The following MLLT6 variants were observed in gnomAD, a reference collection of about 807,000 sequenced individuals.
MLLT6 encodes protein AF-17.
Under a neutral mutation model 103.0 loss-of-function variants are expected in MLLT6, and 22 were observed. The ratio of observed to expected loss-of-function variants is 0.21; its 90% CI spans 0.15 to 0.31. The LOEUF (loss-of-function observed/expected upper bound fraction) is 0.31. MLLT6 is among the 10% of genes least tolerant of loss of function. The pLI is 1.00. For synonymous variants in MLLT6, 606 were observed against 623.5 expected, an observed-to-expected ratio of 0.97 and a Z score of 0.42; for missense variants, 1,199 against 1,441.7, an observed-to-expected ratio of 0.83 and a Z score of 2.73.
intron 11 of MLLT6, 115 bp downstream of exon 11, chr17:38,717,728 C>T (rs1307688333): frequency 2.9e-6 from 4 of 1,392,364 alleles, no homozygotes; most frequent in Admixed American, 1.9e-5. Context: ...ATCAGACCAC[C>T]CTCCGGGCTC....
At position 38,710,028 on chromosome 17, in the gene MLLT6, C is replaced by T. The variant is rs145389951; in HGVS notation, c.552+453C>T. Among the ~76,000 whole-genome samples, 9 of 152,286 alleles carry T rather than the reference C, an allele frequency of 5.9e-5. No individual in the cohort carries two copies. In the East Asian group the frequency reaches 1.7e-3, roughly 29 times the overall value. ...TTACAGATGAGTAAACTAAGGCTCA[C>T]TGAGGTCATATAACTTATCTTGCAG... On this transcript the variant is annotated intron_variant, in intron 6 of 19. Transcript: ENST00000621332.
At chr17:38,718,725 A>C (rs906204111) in intron 12 of MLLT6, 7 of 152,192 alleles carry the variant, frequency 4.6e-5, no homozygotes, top group Non-Finnish European at 8.8e-5. Context: ...CGGAGGTCTC[A>C]ACCTCTCCGG....
At chr17:38,707,221 G>A (rs1904969334) in intron 2 of MLLT6, among the ~76,000 whole-genome samples, 192 bp downstream of exon 2, 1 of 152,116 alleles carries the variant, frequency 6.6e-6, no homozygotes, top group Admixed American at 6.5e-5. Flanking sequence ...CCCCACCTCA[G>A]GCATGGGGCT....
intron 18 of MLLT6, among the ~76,000 whole-genome samples, chr17:38,723,136 C>T (rs1469666849): frequency 1.3e-5 from 2 of 152,208 alleles, no homozygotes; most frequent in Admixed American, 6.5e-5. Context: ...TCAACCACAG[C>T]AGCTTCTTTG....
rs1456316525 is a variant in MLLT6, at chr17:38,727,240, T to TC, written c.*1643dup. ...CTGTGCTGCTCAACTGTTTTTTTTT[T>TC]CTGATACTGAAAATAATATTAATAT... On this transcript the variant is annotated 3_prime_UTR_variant, in exon 20 of 20. Transcript: ENST00000621332. 4.3e-6 allele frequency: 1 copy of TC among 232,864 alleles called. No individual in the cohort carries two copies. Among genetic ancestry groups the TC allele is most frequent in the East Asian group, 6.0e-5 (1 of 16,544 alleles). 14.4% of individuals were successfully genotyped at this position (232,864 alleles called of 1,614,324 possible).
chr17:38,709,580 GTCC>G lies in MLLT6; in HGVS notation c.552+7_552+9del. On this transcript the variant is annotated splice_donor_region_variant and intron_variant, in intron 6 of 19. Coordinates refer to ENST00000621332, the MANE Select transcript of MLLT6 (RefSeq NM_005937.4). The surrounding 1 kb of genome is among the most constrained non-coding windows in gnomAD (Gnocchi z 4.3). Reference sequence around the variant, plus strand: ...AAATACCACTTCAGCAAGATGGTGAGTCCTGGCGACCAGCGCATGAGCGGGTCA... The same window carrying G: ...AAATACCACTTCAGCAAGATGGTGAGTGGCGACCAGCGCATGAGCGGGTCA... The G allele has an allele frequency of 6.2e-7, 1 of 1,610,474 alleles. No homozygotes were observed. Among genetic ancestry groups the G allele is most frequent in the South Asian group, 1.1e-5 (1 of 91,030 alleles).
rs768094802 is a variant in MLLT6, at chr17:38,721,866, CT to C, written c.2443-11del. ...TGGCCCTCTGACCCCTCCCTTCCCCCTCCCTCCCCAGGACCCACACTCAGGC... is the reference window on the plus strand; with the variant it reads ...TGGCCCTCTGACCCCTCCCTTCCCCCCCCTCCCCAGGACCCACACTCAGGC... On this transcript the variant is annotated splice_polypyrimidine_tract_variant and intron_variant, in intron 16 of 19. Coordinates refer to ENST00000621332, the MANE Select transcript of MLLT6 (RefSeq NM_005937.4). The C allele has an allele frequency of 2.6e-6, 4 of 1,544,650 alleles. No individual in the cohort carries two copies. The Admixed American group carries it at 7.4e-5, about 29-fold the overall frequency.
chr17:38,718,016 T>C lies in MLLT6; in HGVS notation c.1942+63T>C, dbSNP rs1597997012. ...AAAGGTCGGACACCCATCACCTGCATGTGACCCCAGAAAGAATGGGAGAGC... is the reference window on the plus strand; with the variant it reads ...AAAGGTCGGACACCCATCACCTGCACGTGACCCCAGAAAGAATGGGAGAGC... On this transcript the variant is annotated intron_variant, in intron 12 of 19. Transcript: ENST00000621332. The C allele has an allele frequency of 1.1e-5, 13 of 1,148,192 alleles. 1 individual carries two copies. In the East Asian group the frequency reaches 3.1e-4, roughly 28 times the overall value. The allele number at this position is 1,148,192 out of a possible 1,614,324, so 71.1% of individuals were successfully genotyped here.
At chr17:38,711,806 TGAG>T (rs2143675104) in intron 6 of MLLT6, 38 bp from the exon 7 acceptor site, 1 of 1,474,610 alleles carries the variant, frequency 6.8e-7, no homozygotes, top group African/African-American at 1.4e-5. Context: ...CCTAAGCCCG[TGAG>T]AAGAGGGTTT....
In MLLT6 at chr17:38,720,740, C is replaced by T; in HGVS notation, c.2435C>T (p.Ser812Phe). The T allele has an allele frequency of 1.9e-6, 3 of 1,613,754 alleles. No homozygotes were observed. Among genetic ancestry groups the T allele is most frequent in the East Asian group, 2.2e-5 (1 of 44,874 alleles). ...GGCCTGGACAACTCGCTGTCCACTT[C>T]TTCTGAGGTGGGCGCTACGAGGAGT... ...SLGLDNSLSTSSEDPHSGCPS... is the reference protein window; with the variant it reads ...SLGLDNSLSTFSEDPHSGCPS... Residue 812 changes from serine (S) to phenylalanine (F), a missense_variant, in exon 16 of 20, where the codon TCT becomes TTT. Coordinates refer to ENST00000621332, the MANE Select transcript of MLLT6 (RefSeq NM_005937.4).
chr17:38,717,373 T>G, intron 10 of MLLT6, 59 bp from the exon 11 acceptor site: 1 of 1,401,060 alleles, frequency 7.1e-7, no homozygotes, highest in Non-Finnish European at 9.7e-7. Context: ...GCCACCTGGC[T>G]GAGCAGGAGT....
chr17:38,706,994 C>T lies in MLLT6; in HGVS notation c.154C>T (p.Arg52Trp). The change falls in exon 2 of 20, where the codon CGG becomes TGG. Residue 52 changes from arginine to tryptophan, a missense_variant. Transcript: ENST00000621332. ...VQVPTGPWFC[R>W]KCESQERAAR... ...GGTGCCAACGGGACCCTGGTTCTGC[C>T]GGAAATGTGAATCTCAGGAGCGAGC... is the stretch of plus-strand genomic sequence containing the variant. The T allele has an allele frequency of 6.2e-7, 1 of 1,612,418 alleles. No homozygotes were observed. Among genetic ancestry groups the T allele is most frequent in the Non-Finnish European group, 8.5e-7 (1 of 1,178,704 alleles).
intron 10 of MLLT6, 151 bp from the exon 11 acceptor site, chr17:38,717,281 A>C (rs896551525): frequency 1.3e-6 from 1 of 744,260 alleles, no homozygotes; most frequent in Non-Finnish European, 2.2e-6. Flanking sequence ...CCAGGCAGGA[A>C]GTGACATCTT....
At chr17:38,706,399 C>G (rs1010309042) in intron 1 of MLLT6, 1 of 152,294 alleles carries the variant, frequency 6.6e-6, no homozygotes. Flanking sequence ...CTGGGACATC[C>G]CTGAATGCTG....
Position 38,716,931 on chromosome 17 carries a change from C to T in MLLT6, c.1601C>T (p.Pro534Leu). 1 of 1,613,746 alleles carries T rather than the reference C, an allele frequency of 6.2e-7. No individual in the cohort carries two copies. Among genetic ancestry groups the T allele is most frequent in the East Asian group, 2.2e-5 (1 of 44,854 alleles). Reference protein sequence around the residue: ...LGGLSSRTFGPSGSLPSLSLE... With the variant: ...LGGLSSRTFGLSGSLPSLSLE... The stretch of plus-strand genomic sequence containing the variant: ...GGTCTGTCCTCCCGAACCTTTGGGC[C>T]TTCTGGGAGCTTGCCCAGCTTGAGC... Residue 534 changes from proline to leucine, a missense_variant, in exon 10 of 20, where the codon CCT (proline) becomes CTT (leucine). Pro to Leu is a moderately conservative substitution (Grantham distance 98). Around this residue, in one of 7 missense-constraint regions of MLLT6, gnomAD observed 1,034 missense variants for 1,091.5 expected, o/e 0.95. Transcript: ENST00000621332. This position sits in a 1 kb window ranked among gnomAD's most constrained non-coding sequence, Gnocchi z 5.6.
Position 38,724,949 on chromosome 17 carries a change from G to A in MLLT6, c.3213G>A (p.Glu1071=), listed in dbSNP as rs888882574. 6.5e-6 allele frequency: 10 copies of A among 1,543,224 alleles called. No homozygotes were observed. The Middle Eastern group carries it at 5.0e-4, about 77-fold the overall frequency. The change falls in exon 19 of 20, where the codon GAG becomes GAA. Residue 1071 remains glutamate, a synonymous_variant. Coordinates refer to ENST00000621332, the MANE Select transcript of MLLT6 (RefSeq NM_005937.4). This position sits in a 1 kb window ranked among gnomAD's most constrained non-coding sequence, Gnocchi z 5.4. ...TNPFLSLSGA[E]GSGGGPKGGT... is the part of the protein sequence containing the mutation. ...CCTTCCTCAGCCTGTCGGGAGCAGA[G>A]GGCAGTGGCGGTGGCCCCAAAGGAG... is the stretch of plus-strand genomic sequence containing the variant.
chr17:38,706,785 G>T, intron 1 of MLLT6, 165 bp from the exon 2 acceptor site: 1 of 493,576 alleles, frequency 2.0e-6, no homozygotes. Context: ...CTGGTGTTGG[G>T]CGGTTGGGCA....
chr17:38,712,942 CCTT>C (rs763597985), intron 8 of MLLT6, 153 bp downstream of exon 8: 8 of 754,500 alleles, frequency 1.1e-5, no homozygotes, highest in Admixed American at 5.2e-5. Flanking sequence ...ACCCTCTACT[CCTT>C]CTTCCAGCCT....
chr17:38,716,870 T>G lies in MLLT6; in HGVS notation c.1540T>G (p.Phe514Val), dbSNP rs1446683609. 1 of 1,613,586 alleles carries G rather than the reference T, an allele frequency of 6.2e-7. No homozygotes were observed. The highest frequency in any genetic ancestry group is 8.5e-7 in the Non-Finnish European group (1 of 1,179,802). Residue 514 changes from phenylalanine to valine, a missense_variant, in exon 10 of 20, where the codon TTC becomes GTC. Transcript: ENST00000621332. This position sits in a 1 kb window ranked among gnomAD's most constrained non-coding sequence, Gnocchi z 5.6. ...CTTTACCGCCACTGCTGCCTCACCC[T>G]TCTCTGGAGGTTCCCTGGTCAGCTC... The part of the protein sequence containing the change: ...AGFTATAASP[F>V]SGGSLVSSGL...
Sources: allele counts gnomAD v4.1 joint callset (sites outside exome capture counted in the v4.1 genomes callset), GRCh38; gene constraint gnomAD v4.1.1; regional missense constraint gnomAD v4.1.1; non-coding constraint Gnocchi (gnomAD v3.1); transcripts MANE v1.5; gene names NCBI Gene and HGNC (gene_info 2026-07-23, HGNC 2026-07-21).